Variants in LRRC57 observed in about 807,000 individuals in gnomAD.
The protein encoded by LRRC57 is leucine-rich repeat-containing protein 57.
A neutral mutation model predicts 23.1 loss-of-function variants in LRRC57; 14 were observed. That is an observed-to-expected ratio of 0.61 (90% CI 0.40 to 0.95). LRRC57 has a LOEUF of 0.95. Ranked by LOEUF, LRRC57 falls within the 40% of genes least tolerant of loss-of-function variation. The pLI, the probability that LRRC57 is intolerant of heterozygous loss-of-function variation, is 0.00. For synonymous variants in LRRC57, 106 were observed against 115.2 expected, an observed-to-expected ratio of 0.92 and a Z score of 0.51; for missense variants, 236 against 284.4, an observed-to-expected ratio of 0.83 and a Z score of 1.22.
At position 42,542,647 on chromosome 15, in the gene LRRC57, T is replaced by G. The variant is rs2057636195; in HGVS notation, c.*1436A>C. The G allele has an allele frequency of 2.0e-5, 3 of 152,640 alleles. No individual in the cohort carries two copies. The South Asian group carries it at 6.2e-4, about 32-fold the overall frequency. The allele number at this position is 152,640 out of a possible 1,614,324, so 9.5% of individuals were successfully genotyped here. On this transcript the variant is annotated 3_prime_UTR_variant, in exon 6 of 6. Coordinates refer to ENST00000397130, the MANE Select transcript of LRRC57 (RefSeq NM_153260.3). ...GTAATTTGGTTAGTAGAGTTATAAA[T>G]ACAAAAAGGGAAAGGTTACCAGAAA...
intron 5 of LRRC57, among the ~76,000 whole-genome samples, chr15:42,544,842 C>CAATATATATATATATATA: frequency 7.0e-4 from 69 of 97,940 alleles, no homozygotes; most frequent in Non-Finnish European, 9.3e-4. Context: ...CACACACACA[C>CAATATATATATATATATA]TATATATATA....
chr15:42,537,924 A>G lies in LRRC57; in HGVS notation c.*6159T>C, dbSNP rs1206330056. 2 of 152,178 alleles carry G rather than the reference A, an allele frequency of 1.3e-5. No homozygotes were observed. The highest frequency in any genetic ancestry group is 4.8e-5 in the African/African-American group (2 of 41,438). The allele number at this position is 152,178 out of a possible 1,614,324, so 9.4% of individuals were successfully genotyped here. A position where few individuals can be genotyped will look rare whatever the true frequency, so the allele number is the denominator to read the frequency against. ...AGTGGGTGTACAGGGTGGGGCGATG[A>G]AGGAAGGTAGGTTAATGGGTAGATA... is the stretch of plus-strand genomic sequence containing the variant. On this transcript the variant is annotated 3_prime_UTR_variant, in exon 6 of 6. Transcript: ENST00000397130.
downstream of LRRC57, among the ~76,000 whole-genome samples, chr15:42,534,667 C>CTT (rs1284936983): frequency 1.3e-5 from 2 of 152,170 alleles, no homozygotes; most frequent in Non-Finnish European, 2.9e-5. Flanking sequence ...TGAAATGACT[C>CTT]TTTGATCCAA....
At chr15:42,534,652 A>C (rs2057591434), downstream of LRRC57, among the ~76,000 whole-genome samples, 1 of 152,192 alleles carries the variant, frequency 6.6e-6, no homozygotes, top group Non-Finnish European at 1.5e-5. Flanking sequence ...ATAAGACTTG[A>C]AAGCTGAAAT....
rs2057636957 is a variant in LRRC57 at position 42,542,788 on chromosome 15, C to G, written c.*1295G>C. On this transcript the variant is annotated 3_prime_UTR_variant, in exon 6 of 6. Transcript: ENST00000397130. Reference sequence around the variant, plus strand: ...TCAGAGCCCTCTACCAATAAGGCACCTGCAATAGTAGATAATTTGCTACCG... The same window carrying G: ...TCAGAGCCCTCTACCAATAAGGCACGTGCAATAGTAGATAATTTGCTACCG... 1 of 152,610 alleles carries G rather than the reference C, an allele frequency of 6.6e-6. No homozygotes were observed. Among genetic ancestry groups the G allele is most frequent in the Non-Finnish European group, 1.5e-5 (1 of 68,026 alleles). 9.5% of individuals were successfully genotyped at this position (152,610 alleles called of 1,614,324 possible).
downstream of LRRC57, among the ~76,000 whole-genome samples, chr15:42,535,450 T>G (rs2057596058): frequency 6.6e-6 from 1 of 151,392 alleles, no homozygotes; most frequent in Admixed American, 6.6e-5. Flanking sequence ...TCTTGGCATT[T>G]TTTTTTTTTT....
chr15:42,534,388 G>C (rs780084278), downstream of LRRC57, among the ~76,000 whole-genome samples: 15 of 152,076 alleles, frequency 9.9e-5, no homozygotes, highest in Non-Finnish European at 1.6e-4. Flanking sequence ...CTCTGCCTCC[G>C]AAAGTGCTGG....
At chr15:42,531,734 T>G in the LRRC57 span, 1 of 316,816 alleles carries the variant, frequency 3.2e-6, no homozygotes, top group Non-Finnish European at 5.8e-6. Flanking sequence ...TTTAGTGTTT[T>G]CATCCTCCTC....
chr15:42,532,972 AGCATCTGAACACTTCAAAGCTGTCAG>A (rs1374394392), downstream of LRRC57: 38 of 152,680 alleles, frequency 2.5e-4, no homozygotes, highest in African/African-American at 8.4e-4. Flanking sequence ...TTTTAAAATT[AGCATCTGAACACTTCAAAGCTGTCAG>A]TGTGTATTGG....
the LRRC57 span, chr15:42,529,672 T>A: frequency 6.2e-7 from 1 of 1,612,974 alleles, no homozygotes; most frequent in Non-Finnish European, 8.5e-7. Flanking sequence ...CTTCTTGTGA[T>A]AGCATAACTA....
chr15:42,548,645 C>G (rs1161039354), intron 1 of LRRC57, 48 bp downstream of exon 1: 1 of 628,468 alleles, frequency 1.6e-6, no homozygotes, highest in Admixed American at 2.9e-5. Context: ...TCTGCGGAGG[C>G]CAGGCGCCTC....
At chr15:42,547,166 T>C in intron 4 of LRRC57, 95 bp downstream of exon 4, 1 of 1,360,912 alleles carries the variant, frequency 7.3e-7, no homozygotes, top group South Asian at 1.4e-5. Context: ...TACTTAGCTC[T>C]ATGATGGCAG....
rs1047812528 is a variant in LRRC57 at position 42,542,147 on chromosome 15, C to G, written c.*1936G>C. 1 of 151,178 alleles carries G rather than the reference C, an allele frequency of 6.6e-6. No homozygotes were observed. Among genetic ancestry groups the G allele is most frequent in the Non-Finnish European group, 1.5e-5 (1 of 68,010 alleles). 9.4% of individuals were successfully genotyped at this position (151,178 alleles called of 1,614,324 possible). On this transcript the variant is annotated 3_prime_UTR_variant, in exon 6 of 6. Coordinates refer to ENST00000397130, the MANE Select transcript of LRRC57 (RefSeq NM_153260.3). ...CACTGCAAGCTCCGCCTCCCGGTTT[C>G]AAGCAATTCTCCTGCCTCAGCCTCC...
Position 42,543,900 on chromosome 15 carries a change from T to A in LRRC57, c.*183A>T, listed in dbSNP as rs1191557639. 8.1e-6 allele frequency: 4 copies of A among 496,444 alleles called. No individual in the cohort carries two copies. In the East Asian group the frequency reaches 8.4e-5, roughly 10 times the overall value. 30.8% of individuals were successfully genotyped at this position (496,444 alleles called of 1,614,324 possible). ...ACTTTTCCTGTCTCCTGATCCTTTT[T>A]CTTTTAGCTTATTTGAGAAGAGCCC... On this transcript the variant is annotated 3_prime_UTR_variant, in exon 6 of 6. Transcript: ENST00000397130.
At chr15:42,547,611 A>G in intron 3 of LRRC57, 82 bp from the exon 4 acceptor site, 1 of 1,286,714 alleles carries the variant, frequency 7.8e-7, no homozygotes, top group Non-Finnish European at 1.1e-6. Flanking sequence ...ACTATATGGC[A>G]GCCTGCTTCG....
chr15:42,545,288 C>A (rs377220669), intron 4 of LRRC57, 26 bp from the exon 5 acceptor site: 1 of 1,517,842 alleles, frequency 6.6e-7, no homozygotes. Context: ...AAAAGAATAA[C>A]AGGAAAAAGC....
Position 42,546,712 on chromosome 15 carries a change from G to C in LRRC57, c.492+549C>G, listed in dbSNP as rs182592604. On this transcript the variant is annotated intron_variant, in intron 4 of 5. Transcript: ENST00000397130. ...TTAATTGAAAGCTTCCAAAGTAATG[G>C]AAACAAATTTCAAATATTATAATTA... Among the ~76,000 whole-genome samples, 5 of 152,244 alleles carry C rather than the reference G, an allele frequency of 3.3e-5. 1 individual carries two copies. The highest frequency in any genetic ancestry group is 3.3e-4 in the Admixed American group (5 of 15,290).
Position 42,547,460 on chromosome 15 carries a change from C to G in LRRC57, c.293G>C (p.Arg98Thr), listed in dbSNP as rs2057665216. 1 of 1,614,134 alleles carries G rather than the reference C, an allele frequency of 6.2e-7. No homozygotes were observed. The highest frequency in any genetic ancestry group is 8.5e-7 in the Non-Finnish European group (1 of 1,180,006). Residue 98 changes from arginine to threonine, a missense_variant, in exon 4 of 6, where the codon AGA (arginine) becomes ACA (threonine). Arg to Thr is a moderately conservative substitution (Grantham distance 71). Transcript: ENST00000397130. Reference sequence around the variant, plus strand: ...TTGCCCAAAGGTAGACGGCAGCTCTCTAAGGTGATTGTTGTTTAGGCTTAG... The same window carrying G: ...TTGCCCAAAGGTAGACGGCAGCTCTGTAAGGTGATTGTTGTTTAGGCTTAG... ...ETLSLNNNHL[R>T]ELPSTFGQLS...
chr15:42,548,009 C>T lies in LRRC57; in HGVS notation c.223+97G>A, dbSNP rs189680695. The T allele has an allele frequency of 4.5e-4, 600 of 1,334,160 alleles. 2 individuals are homozygous for T. Among genetic ancestry groups the T allele is most frequent in the Admixed American group, 3.4e-4 (17 of 49,288 alleles). 82.6% of individuals were successfully genotyped at this position (1,334,160 alleles called of 1,614,324 possible). On this transcript the variant is annotated intron_variant, in intron 3 of 5. Coordinates refer to ENST00000397130, the MANE Select transcript of LRRC57 (RefSeq NM_153260.3). ...GGCATTCGCAACTTGAGCCCTCCTG[C>T]ACGGTTTCATAACAAAAACAAAAAT...
Sources: gnomAD v4.1 joint callset for allele counts (sites outside exome capture counted in the v4.1 genomes callset) on GRCh38, gnomAD v4.1.1 for gene constraint, MANE v1.5 for transcripts, NCBI Gene and HGNC (gene_info 2026-07-23, HGNC 2026-07-21) for gene names.